The following RIMS1 variants were observed in gnomAD, a reference collection of about 807,000 sequenced individuals.
The protein encoded by RIMS1 is regulating synaptic membrane exocytosis 1.
RIMS1 carries 83 observed loss-of-function variants against 214.1 expected under a neutral mutation model. The ratio of observed to expected loss-of-function variants is 0.39; its 90% CI spans 0.32 to 0.47. The LOEUF (loss-of-function observed/expected upper bound fraction) is 0.47. Among genes scored for constraint, RIMS1 ranks in the 20% least tolerant of loss-of-function variants. RIMS1 has a pLI of 0.99. For missense variants in RIMS1, 2,050 were observed against 2,161.8 expected, an observed-to-expected ratio of 0.95 and a Z score of 1.03; for synonymous variants, 793 against 786.8, an observed-to-expected ratio of 1.01 and a Z score of -0.13.
intron 2 of RIMS1, among the ~76,000 whole-genome samples, chr6:72,013,558 T>C (rs1304766519): frequency 6.6e-6 from 1 of 152,150 alleles, no homozygotes; most frequent in African/African-American, 2.4e-5. Context: ...GGACTAAGTG[T>C]CCTGAAAATC....
At chr6:72,099,282 C>T (rs1377680224) in intron 3 of RIMS1, among the ~76,000 whole-genome samples, 3 of 152,230 alleles carry the variant, frequency 2.0e-5, no homozygotes, top group Admixed American at 6.5e-5. Flanking sequence ...AGGACACTCA[C>T]GCCTAGTGTA....
At chr6:72,170,244 C>T (rs1173152935) in intron 4 of RIMS1, among the ~76,000 whole-genome samples, 1 of 152,178 alleles carries the variant, frequency 6.6e-6, no homozygotes, top group Non-Finnish European at 1.5e-5. Flanking sequence ...ATATTGTACT[C>T]TACCACCACT....
chr6:72,010,688 AC>A (rs1224600389), intron 2 of RIMS1, among the ~76,000 whole-genome samples: 2 of 149,618 alleles, frequency 1.3e-5, no homozygotes, highest in Non-Finnish European at 2.9e-5. Flanking sequence ...CCAATAACAG[AC>A]AAACAGAGAG....
chr6:71,985,186 C>T (rs537604928), intron 2 of RIMS1, among the ~76,000 whole-genome samples: 1 of 152,228 alleles, frequency 6.6e-6, no homozygotes, highest in South Asian at 2.1e-4. Flanking sequence ...AAATTTGAGA[C>T]TAGCCTGGGC....
intron 2 of RIMS1, among the ~76,000 whole-genome samples, chr6:71,976,134 A>G (rs1797070983): frequency 6.6e-6 from 1 of 152,130 alleles, no homozygotes; most frequent in Non-Finnish European, 1.5e-5. Context: ...GGACCTGCTA[A>G]GCTGTATTTC....
At chr6:71,992,404 C>CTCTCTCTTTCTTTCTTTCTTTCTT (rs1252103778) in intron 2 of RIMS1, among the ~76,000 whole-genome samples, 5 of 110,080 alleles carry the variant, frequency 4.5e-5, no homozygotes, top group Non-Finnish European at 9.1e-5. Context: ...TTCTCTCTCT[C>CTCTCTCTTTCTTTCTTTCTTTCTT]TCTTTCTTTC....
At chr6:72,387,144 A>G (rs911563347) in intron 29 of RIMS1, among the ~76,000 whole-genome samples, 12 of 152,254 alleles carry the variant, frequency 7.9e-5, no homozygotes, top group Non-Finnish European at 1.5e-4. Context: ...TGTATGACAC[A>G]TAATAGATGC....
At chr6:72,340,459 A>G (rs1409444405) in intron 29 of RIMS1, among the ~76,000 whole-genome samples, 5 of 152,034 alleles carry the variant, frequency 3.3e-5, no homozygotes, top group African/African-American at 9.6e-5. Context: ...ATTAATTTTT[A>G]TATAAGGTAT....
chr6:72,152,463 G>A (rs2043745304), intron 4 of RIMS1, among the ~76,000 whole-genome samples: 1 of 152,040 alleles, frequency 6.6e-6, no homozygotes, highest in African/African-American at 2.4e-5. Context: ...GTGCTTTTCT[G>A]ACATCTTTAA....
intron 6 of RIMS1, among the ~76,000 whole-genome samples, chr6:72,197,426 G>A (rs2051172143): frequency 6.6e-6 from 1 of 152,072 alleles, no homozygotes; most frequent in Non-Finnish European, 1.5e-5. Flanking sequence ...AGAACAAAAT[G>A]CCACACATGT....
At chr6:72,118,812 A>G (rs574773758) in intron 4 of RIMS1, among the ~76,000 whole-genome samples, 12 of 151,690 alleles carry the variant, frequency 7.9e-5, no homozygotes, top group African/African-American at 2.9e-4. Context: ...TAGTCATAAA[A>G]GGTACCTACT....
intron 2 of RIMS1, among the ~76,000 whole-genome samples, chr6:72,004,526 C>T (rs1388097510): frequency 2.6e-5 from 4 of 151,068 alleles, no homozygotes; most frequent in African/African-American, 9.7e-5. Context: ...TCCTCTCCAG[C>T]ACCTGTTGTT....
intron 8 of RIMS1, among the ~76,000 whole-genome samples, chr6:72,237,228 A>AG (rs2064539490): frequency 6.7e-6 from 1 of 149,782 alleles, no homozygotes; most frequent in African/African-American, 2.5e-5. Context: ...AGAGAGAGAG[A>AG]GAAAAAAAAA....
intron 4 of RIMS1, among the ~76,000 whole-genome samples, chr6:72,121,600 AG>A (rs1302583442): frequency 1.3e-5 from 2 of 151,936 alleles, no homozygotes; most frequent in Non-Finnish European, 2.9e-5. Flanking sequence ...ATCTGCAAAC[AG>A]GGGCAATTTG....
At chr6:71,985,211 T>A (rs1799584072) in intron 2 of RIMS1, among the ~76,000 whole-genome samples, 1 of 151,998 alleles carries the variant, frequency 6.6e-6, no homozygotes, top group Admixed American at 6.6e-5. Context: ...TAGTGAGACT[T>A]CTGTCTCCAA....
chr6:72,099,647 A>G (rs2033036538), intron 3 of RIMS1, among the ~76,000 whole-genome samples: 1 of 152,118 alleles, frequency 6.6e-6, no homozygotes, highest in African/African-American at 2.4e-5. Context: ...GGTAGACTAC[A>G]TGTGGTAGTG....
intron 23 of RIMS1, among the ~76,000 whole-genome samples, chr6:72,278,761 A>G (rs868529216): frequency 3.3e-5 from 5 of 152,198 alleles, no homozygotes; most frequent in Middle Eastern, 3.4e-3. Context: ...ACAGGAAGGT[A>G]AATGTATCTT....
intron 6 of RIMS1, among the ~76,000 whole-genome samples, chr6:72,217,665 T>C (rs1387613497): frequency 6.6e-6 from 1 of 152,234 alleles, no homozygotes; most frequent in Non-Finnish European, 1.5e-5. Flanking sequence ...ATATAGATTG[T>C]TCTTTTCAAG....
At chr6:72,308,546 C>A (rs570944426) in intron 27 of RIMS1, among the ~76,000 whole-genome samples, 3 of 152,142 alleles carry the variant, frequency 2.0e-5, no homozygotes, top group South Asian at 4.2e-4. Flanking sequence ...GTAAGTGGTT[C>A]ATTATCTTTC....
Sources: allele counts gnomAD v4.1 joint callset (sites outside exome capture counted in the v4.1 genomes callset), GRCh38; gene constraint gnomAD v4.1.1; transcripts MANE v1.5; gene names NCBI Gene and HGNC (gene_info 2026-07-23, HGNC 2026-07-21).